TNR: variants seen among roughly 807,000 people sequenced by gnomAD.
TNR encodes tenascin R, also known as tenascin-R.
In TNR, 45 loss-of-function variants were observed where a neutral mutation model predicts 150.4. That is an observed-to-expected ratio of 0.30 (90% CI 0.24 to 0.38). TNR has a LOEUF of 0.38. Ranked by LOEUF, TNR falls within the 10% of genes least tolerant of loss-of-function variation. The pLI is 1.00. For synonymous variants in TNR, 687 were observed against 678.4 expected (o/e 1.01, Z -0.20); for missense variants, 1,544 against 1,759.1 (o/e 0.88, Z 2.19).
intron 2 of TNR, among the ~76,000 whole-genome samples, chr1:175,485,826 A>T (rs1444563389): frequency 2.0e-5 from 3 of 152,202 alleles, no homozygotes; most frequent in Non-Finnish European, 4.4e-5. Context: ...AATAGCTAAC[A>T]TTTATTGGGT....
At chr1:175,462,157 TAG>T (rs917635904) in intron 2 of TNR, among the ~76,000 whole-genome samples, 3 of 152,266 alleles carry the variant, frequency 2.0e-5, no homozygotes, top group African/African-American at 7.2e-5. Context: ...TGTTCACTTC[TAG>T]TCCTTTTGGG....
intron 1 of TNR, among the ~76,000 whole-genome samples, chr1:175,574,495 C>G (rs1662022751): frequency 6.6e-6 from 1 of 152,184 alleles, no homozygotes; most frequent in Non-Finnish European, 1.5e-5. Flanking sequence ...TTGCATCAAA[C>G]ATGACACTGA....
At chr1:175,546,240 T>C (rs1660681404) in intron 1 of TNR, among the ~76,000 whole-genome samples, 1 of 152,194 alleles carries the variant, frequency 6.6e-6, no homozygotes, top group African/African-American at 2.4e-5. Context: ...CAAGGGCACA[T>C]GGAAGAAGAC....
At position 175,396,817 on chromosome 1, in the gene TNR, G is replaced by C. The variant is rs771191346; in HGVS notation, c.977-10C>G. On this transcript the variant is annotated splice_polypyrimidine_tract_variant and intron_variant, in intron 4 of 22. Coordinates refer to ENST00000367674, the MANE Select transcript of TNR (RefSeq NM_003285.3). The stretch of plus-strand genomic sequence containing the variant: ...TCCTCTGGAGGGGCAACTACCGGGA[G>C]GCAATACACAGATAGCATGAGCTCA... 13 of 1,609,416 alleles carry C rather than the reference G, an allele frequency of 8.1e-6. No individual in the cohort carries two copies. Among genetic ancestry groups the C allele is most frequent in the Non-Finnish European group, 1.1e-5 (13 of 1,176,412 alleles).
intron 8 of TNR, among the ~76,000 whole-genome samples, chr1:175,383,735 G>A (rs1376744453): frequency 6.6e-6 from 1 of 152,202 alleles, no homozygotes; most frequent in Non-Finnish European, 1.5e-5. Context: ...AAATGACTGA[G>A]GGCCTCATCA....
intron 1 of TNR, among the ~76,000 whole-genome samples, chr1:175,547,609 GAAACAAAGAAAC>G (rs1474360503): frequency 0.094 from 2,170 of 23,112 alleles, 48 homozygotes; most frequent in African/African-American, 0.1. Flanking sequence ...AAGAAAGAAA[GAAACAAAGAAAC>G]AAAGAAAGAA....
intron 1 of TNR, among the ~76,000 whole-genome samples, chr1:175,658,721 T>C (rs1202270523): frequency 1.3e-5 from 2 of 152,194 alleles, no homozygotes; most frequent in Non-Finnish European, 2.9e-5. Flanking sequence ...TAAACACATG[T>C]CCATTGGTTC....
At chr1:175,444,174 C>T (rs956651615) in intron 2 of TNR, among the ~76,000 whole-genome samples, 7 of 152,086 alleles carry the variant, frequency 4.6e-5, no homozygotes, top group Admixed American at 1.3e-4. Context: ...CATACAAAGC[C>T]GAGGCATCTG....
intron 1 of TNR, among the ~76,000 whole-genome samples, chr1:175,735,127 C>T (rs1404101452): frequency 6.6e-6 from 1 of 152,214 alleles, no homozygotes; most frequent in Admixed American, 6.5e-5. Flanking sequence ...GGCCTCTGCC[C>T]TTTTCAACAC....
Position 175,625,197 on chromosome 1 carries a change from T to C in TNR, c.-164-96828A>G, listed in dbSNP as rs972305628. On this transcript the variant is annotated intron_variant, in intron 1 of 22. Transcript: ENST00000367674. ...CAGCTGTGATAGTCCTTTCTGATGT[T>C]TTTTTCCTTTCTTTTCAAATAACCC... is the stretch of plus-strand genomic sequence containing the variant. 5.3e-5 allele frequency among the ~76,000 whole-genome samples: 8 copies of C among 152,364 alleles called. No homozygotes were observed. The South Asian group carries it at 1.4e-3, about 28-fold the overall frequency.
intron 1 of TNR, among the ~76,000 whole-genome samples, chr1:175,567,726 C>A (rs567669295): frequency 6.6e-6 from 1 of 152,144 alleles, no homozygotes; most frequent in Non-Finnish European, 1.5e-5. Context: ...AACTCATTTG[C>A]CTCTCCTGTG....
At chr1:175,376,860 T>TATATATATATATATATATA (rs1553211469) in intron 9 of TNR, among the ~76,000 whole-genome samples, 34 of 113,690 alleles carry the variant, frequency 3.0e-4, no homozygotes, top group African/African-American at 6.8e-4. Flanking sequence ...AAATGTAATA[T>TATATATATATATATATATA]TATATATATA....
chr1:175,489,018 C>T (rs1658130632), intron 2 of TNR, among the ~76,000 whole-genome samples: 1 of 152,178 alleles, frequency 6.6e-6, no homozygotes, highest in Non-Finnish European at 1.5e-5. Context: ...GGTGAATGTG[C>T]CACAGCCCCA....
chr1:175,374,052 G>A (rs1490379979), intron 9 of TNR, among the ~76,000 whole-genome samples: 2 of 152,220 alleles, frequency 1.3e-5, no homozygotes, highest in Non-Finnish European at 2.9e-5. Context: ...CAGGCCCTGT[G>A]CCTGGTCCTT....
chr1:175,535,447 TTTGTTGTTGTTG>T (rs138597544), intron 1 of TNR, among the ~76,000 whole-genome samples: 2 of 148,070 alleles, frequency 1.4e-5, no homozygotes, highest in East Asian at 2.0e-4. Flanking sequence ...TTATTTATTT[TTTGTTGTTGTTG>T]TTGTTGTTGT....
intron 1 of TNR, among the ~76,000 whole-genome samples, chr1:175,723,862 T>A (rs1021406648): frequency 6.6e-6 from 1 of 152,156 alleles, no homozygotes; most frequent in South Asian, 2.1e-4. Context: ...CAGAGTGAGA[T>A]TCTGTCTCAA....
intron 4 of TNR, 83 bp from the exon 5 acceptor site, chr1:175,396,890 AC>A: frequency 3.3e-6 from 5 of 1,504,112 alleles, no homozygotes; most frequent in Non-Finnish European, 3.6e-6. Context: ...CTCACATCTC[AC>A]CCCCCATGCC....
In TNR at chr1:175,356,356, A is replaced by T. The variant is rs1377182819; in HGVS notation, c.3081T>A (p.Pro1027=). The T allele has an allele frequency of 6.2e-7, 1 of 1,613,942 alleles. No homozygotes were observed. Among genetic ancestry groups the T allele is most frequent in the East Asian group, 2.2e-5 (1 of 44,884 alleles). The change falls in exon 16 of 23, where the codon CCT becomes CCA. Residue 1027 remains proline (P), a synonymous_variant. Coordinates refer to ENST00000367674, the MANE Select transcript of TNR (RefSeq NM_003285.3). ...TGGTGCTGATGGTGCCACTGGTGAG[A>T]GGTCCATTGGTGGCATACATGGTGG... ...YTATMYATNG[P]LTSGTISTNF... is the part of the protein sequence containing the mutation.
intron 4 of TNR, among the ~76,000 whole-genome samples, chr1:175,401,915 A>G (rs1351032407): frequency 6.6e-6 from 1 of 152,248 alleles, no homozygotes; most frequent in Non-Finnish European, 1.5e-5. Flanking sequence ...CTTAATCTGT[A>G]CTGTTTAAAA....
Sources: gnomAD v4.1 joint callset for allele counts (sites outside exome capture counted in the v4.1 genomes callset) on GRCh38, gnomAD v4.1.1 for gene constraint, MANE v1.5 for transcripts, NCBI Gene and HGNC (gene_info 2026-07-23, HGNC 2026-07-21) for gene names.